FLT1: variants seen among roughly 807,000 people sequenced by gnomAD.
FLT1 encodes vascular endothelial growth factor receptor 1.
FLT1 carries 49 observed loss-of-function variants against 156.3 expected under a neutral mutation model. That is an observed-to-expected ratio of 0.31 (90% CI 0.25 to 0.40). FLT1 has a LOEUF of 0.40. FLT1 is among the 10% of genes least tolerant of loss of function. The probability of loss-of-function intolerance (pLI) is 1.00; values close to 1 mark genes in which losing one functional copy is unlikely to be tolerated. For missense variants in FLT1, 1,322 were observed against 1,637.2 expected (o/e 0.81, Z 3.32); for synonymous variants, 594 against 583.8 (o/e 1.02, Z -0.25).
intron 25 of FLT1, among the ~76,000 whole-genome samples, chr13:28,313,154 T>G (rs1455403971): frequency 1.3e-5 from 2 of 152,008 alleles, no homozygotes; most frequent in Admixed American, 1.3e-4. Context: ...AATTTTTGTA[T>G]TTTTAGTAGA....
intron 3 of FLT1, among the ~76,000 whole-genome samples, chr13:28,461,254 A>G (rs1482517049): frequency 6.6e-6 from 1 of 152,204 alleles, no homozygotes; most frequent in Non-Finnish European, 1.5e-5. Flanking sequence ...TTTAAAGAAA[A>G]AGAATAAATT....
In FLT1 at chr13:28,322,470, G is replaced by C. The variant is rs1025681669; in HGVS notation, c.2954-111C>G. The C allele has an allele frequency of 2.5e-6, 2 of 796,124 alleles. No individual in the cohort carries two copies. Among genetic ancestry groups the C allele is most frequent in the African/African-American group, 3.4e-5 (2 of 59,028 alleles). 49.3% of individuals were successfully genotyped at this position (796,124 alleles called of 1,614,324 possible). ...ATAAAACAAACCAACAAGTAGATCA[G>C]AGTTCATTTTTAAGAGTATTTGAGT... On this transcript the variant is annotated intron_variant, in intron 21 of 29. Coordinates refer to ENST00000282397, the MANE Select transcript of FLT1 (RefSeq NM_002019.4). The surrounding 1 kb of genome is among the most constrained non-coding windows in gnomAD (Gnocchi z 4.3).
intron 14 of FLT1, among the ~76,000 whole-genome samples, chr13:28,384,001 A>G (rs1218190460): frequency 6.6e-6 from 1 of 152,258 alleles, no homozygotes; most frequent in Non-Finnish European, 1.5e-5. Flanking sequence ...CACGGATCCC[A>G]TGGCACTATA....
intron 25 of FLT1, among the ~76,000 whole-genome samples, chr13:28,313,055 TGCAACCTCCG>T (rs1871069496): frequency 6.6e-6 from 1 of 152,112 alleles, no homozygotes; most frequent in South Asian, 2.1e-4. Flanking sequence ...CTCAGCTTAC[TGCAACCTCCG>T]GCTCCCAGGT....
intron 3 of FLT1, among the ~76,000 whole-genome samples, chr13:28,461,445 G>C (rs1879572768): frequency 6.6e-6 from 1 of 151,946 alleles, no homozygotes; most frequent in African/African-American, 2.4e-5. Context: ...AAGTCACTGA[G>C]GTTGTTTTCT....
rs55875014 is a variant in FLT1 at position 28,301,297 on chromosome 13, G to T, written c.*1870C>A. 4.3e-6 allele frequency: 1 copy of T among 232,546 alleles called. No individual in the cohort carries two copies. The highest frequency in any genetic ancestry group is 2.2e-5 in the African/African-American group (1 of 45,108). 14.4% of individuals were successfully genotyped at this position (232,546 alleles called of 1,614,324 possible). On this transcript the variant is annotated 3_prime_UTR_variant, in exon 30 of 30. Coordinates refer to ENST00000282397, the MANE Select transcript of FLT1 (RefSeq NM_002019.4). ...GGTTTGCGTATGTAAAGAAGAGGAAGAACAAAGATTTGTCCTCTCTTCTGG... is the reference window on the plus strand; with the variant it reads ...GGTTTGCGTATGTAAAGAAGAGGAATAACAAAGATTTGTCCTCTCTTCTGG...
At chr13:28,430,784 T>C (rs1482194037) in intron 7 of FLT1, among the ~76,000 whole-genome samples, 1 of 152,230 alleles carries the variant, frequency 6.6e-6, no homozygotes, top group Non-Finnish European at 1.5e-5. Flanking sequence ...CTCTAATTCA[T>C]GGTAGTACCT....
chr13:28,300,521 C>CCACACCCACA lies in FLT1; in HGVS notation c.*2645_*2646insTGTGGGTGTG, dbSNP rs932753873. ...AGTTATGCACAAAACACACATACAC[C>CCACACCCACA]CACACACACACACACACACACACAC... On this transcript the variant is annotated 3_prime_UTR_variant, in exon 30 of 30. Transcript: ENST00000282397. 1.5e-5 allele frequency: 3 copies of CCACACCCACA among 196,134 alleles called. No homozygotes were observed. Among genetic ancestry groups the CCACACCCACA allele is most frequent in the African/African-American group, 7.1e-5 (3 of 42,024 alleles). The allele number at this position is 196,134 out of a possible 1,614,324, so 12.1% of individuals were successfully genotyped here.
rs750246126 is a variant in FLT1, at chr13:28,430,130, C to T, written c.1026G>A (p.Gln342=). 25 of 1,613,688 alleles carry T rather than the reference C, an allele frequency of 1.5e-5. 2 individuals are homozygous for T. The South Asian group carries it at 2.7e-4, about 18-fold the overall frequency. The change falls in exon 8 of 30, where the codon CAG becomes CAA. Residue 342 remains glutamine (Q), a synonymous_variant. Transcript: ENST00000282397. ...AFITVKHRKQ[Q]VLETVAGKRS... is the part of the protein sequence containing the mutation. ...GCTTGCCAGCTACGGTTTCAAGCAC[C>T]TGCTGTTTTCGATGTTTCACAGTGA...
chr13:28,374,426 A>T (rs118073419), intron 14 of FLT1, among the ~76,000 whole-genome samples: 1,700 of 151,696 alleles, frequency 0.011, 21 homozygotes, highest in Non-Finnish European at 0.018. Context: ...AAAAACAAAC[A>T]AAAAACAAAA....
chr13:28,489,307 T>G (rs1010053257), intron 1 of FLT1, among the ~76,000 whole-genome samples: 4 of 152,232 alleles, frequency 2.6e-5, no homozygotes, highest in African/African-American at 9.6e-5. Context: ...TGCGAAATGA[T>G]AGTGTGGCCA....
chr13:28,303,339 G>T lies in FLT1; in HGVS notation c.3845C>A (p.Ser1282Ter). ...DLRVTSKSKE[S>*]GLSDVSRPSF... ...GGGCCTGCTGACATCAGACAGCCCCGACTCCTTACTTTTACTGGTTACTCT... is the reference window on the plus strand; with the variant it reads ...GGGCCTGCTGACATCAGACAGCCCCTACTCCTTACTTTTACTGGTTACTCT... Residue 1282 changes from serine (S) to a stop codon, truncating the protein, a stop_gained, in exon 30 of 30, where the codon TCG (serine) becomes TAG (stop). Transcript: ENST00000282397. LOFTEE classifies it high-confidence loss of function. The T allele has an allele frequency of 1.2e-6, 2 of 1,613,976 alleles. No homozygotes were observed. The highest frequency in any genetic ancestry group is 1.1e-5 in the South Asian group (1 of 91,054).
intron 12 of FLT1, among the ~76,000 whole-genome samples, chr13:28,393,233 A>G (rs1282351228): frequency 6.6e-6 from 1 of 152,230 alleles, no homozygotes; most frequent in African/African-American, 2.4e-5. Flanking sequence ...ACCCAGGGTT[A>G]GACGAAAGTG....
intron 13 of FLT1, chr13:28,386,229 T>G: frequency 1.3e-5 from 14 of 1,052,958 alleles, no homozygotes; most frequent in Non-Finnish European, 1.6e-5. Context: ...TTCTGCCACG[T>G]CCCAAAACCT....
In FLT1 at chr13:28,458,442, T is replaced by C. The variant is rs947732216; in HGVS notation, c.388+8461A>G. Among the ~76,000 whole-genome samples the C allele has an allele frequency of 3.5e-4, 54 of 152,238 alleles. 1 individual carries two copies. Among genetic ancestry groups the C allele is most frequent in the Non-Finnish European group, 1.5e-4 (10 of 68,040 alleles). ...GCCAAATTTTTTCTGGTATGGATTT[T>C]AGAGAGCCCCAGAAATTGTTTTCTC... On this transcript the variant is annotated intron_variant, in intron 3 of 29. Transcript: ENST00000282397.
intron 1 of FLT1, among the ~76,000 whole-genome samples, chr13:28,481,482 C>CACAT (rs1491253901): frequency 3.4e-5 from 5 of 147,760 alleles, no homozygotes; most frequent in Non-Finnish European, 5.9e-5. Context: ...CACACACACA[C>CACAT]ATACACGTAC....
chr13:28,432,045 A>ATGACCTGCTAGGC (rs1027890946), intron 6 of FLT1, among the ~76,000 whole-genome samples: 7 of 152,184 alleles, frequency 4.6e-5, no homozygotes, highest in Non-Finnish European at 1.0e-4. Context: ...AGGCTCTGCA[A>ATGACCTGCTAGGC]TCTGACCTGG....
chr13:28,314,001 G>A (rs9513072), intron 25 of FLT1, among the ~76,000 whole-genome samples: 131,895 of 152,046 alleles, frequency 0.87, 60,240 homozygotes, highest in East Asian at 1. Flanking sequence ...GTTCAAGATC[G>A]TCCTGGACAA....
intron 3 of FLT1, among the ~76,000 whole-genome samples, chr13:28,438,833 A>G (rs1354600134): frequency 6.6e-6 from 1 of 152,228 alleles, no homozygotes; most frequent in Non-Finnish European, 1.5e-5. Flanking sequence ...TATCATTTGA[A>G]TGACAGAAGC....
Sources: gnomAD v4.1 joint callset for allele counts (sites outside exome capture counted in the v4.1 genomes callset) on GRCh38, gnomAD v4.1.1 for gene constraint, Gnocchi (gnomAD v3.1) non-coding constraint, MANE v1.5 for transcripts, NCBI Gene and HGNC (gene_info 2026-07-23, HGNC 2026-07-21) for gene names.